The following DDX31 variants were observed in gnomAD, a reference collection of about 807,000 sequenced individuals.
DDX31 encodes the protein DEAD-box helicase 31.
DDX31 carries 70 observed loss-of-function variants against 91.3 expected under a neutral mutation model. That is an observed-to-expected ratio of 0.77 (90% confidence interval 0.63 to 0.94). The LOEUF (loss-of-function observed/expected upper bound fraction) is 0.94. Among genes scored for constraint, DDX31 ranks in the 40% least tolerant of loss-of-function variants. The pLI is 0.00. For synonymous variants in DDX31, 362 were observed against 350.6 expected (o/e 1.03, Z -0.36); for missense variants, 902 against 925.0 (o/e 0.98, Z 0.32).
At chr9:132,604,917 C>T (rs1830927282) in intron 19 of DDX31, among the ~76,000 whole-genome samples, 1 of 152,166 alleles carries the variant, frequency 6.6e-6, no homozygotes. Flanking sequence ...GATCCCAGGC[C>T]TCCTTCACCA....
At chr9:132,648,752 A>T (rs1833996368) in intron 9 of DDX31, among the ~76,000 whole-genome samples, 1 of 152,210 alleles carries the variant, frequency 6.6e-6, no homozygotes, top group Admixed American at 6.5e-5. Context: ...AATTGTTAAG[A>T]TCTGAAATTA....
chr9:132,616,235 G>C (rs1045682857), intron 18 of DDX31, among the ~76,000 whole-genome samples: 1 of 152,098 alleles, frequency 6.6e-6, no homozygotes, highest in Non-Finnish European at 1.5e-5. Flanking sequence ...TTATCAATCT[G>C]GTGTGGAAAT....
chr9:132,620,080 G>A (rs781017897), intron 17 of DDX31, among the ~76,000 whole-genome samples: 3 of 152,064 alleles, frequency 2.0e-5, no homozygotes, highest in South Asian at 2.1e-4. Context: ...AGCCAGGACC[G>A]AATAAGCACA....
At chr9:132,652,189 T>A (rs1834235081) in intron 7 of DDX31, among the ~76,000 whole-genome samples, 2 of 152,328 alleles carry the variant, frequency 1.3e-5, no homozygotes, top group South Asian at 4.1e-4. Context: ...GCAACTTAAT[T>A]CAAAACCCAA....
At chr9:132,669,262 C>CG (rs772270956) in intron 1 of DDX31, among the ~76,000 whole-genome samples, 9 of 139,928 alleles carry the variant, frequency 6.4e-5, no homozygotes, top group African/African-American at 2.3e-4. Context: ...GCCCGCCCCC[C>CG]CCAAAGAACA....
chr9:132,620,296 G>A (rs891246746), intron 17 of DDX31, among the ~76,000 whole-genome samples: 1 of 152,004 alleles, frequency 6.6e-6, no homozygotes, highest in African/African-American at 2.4e-5. Context: ...AAGCTTAAGT[G>A]ACAGGTGACT....
intron 16 of DDX31, among the ~76,000 whole-genome samples, chr9:132,628,107 A>C (rs1832506593): frequency 6.6e-6 from 1 of 152,228 alleles, no homozygotes; most frequent in Non-Finnish European, 1.5e-5. Flanking sequence ...CCTCAAACAG[A>C]AATTGGGAAG....
At chr9:132,628,120 C>G (rs1467232260) in intron 16 of DDX31, among the ~76,000 whole-genome samples, 1 of 152,206 alleles carries the variant, frequency 6.6e-6, no homozygotes, top group Non-Finnish European at 1.5e-5. Flanking sequence ...TTGGGAAGAA[C>G]AATGCATGAC....
In DDX31 at chr9:132,646,950, C is replaced by T. The variant is rs1357653492; in HGVS notation, c.1076G>A (p.Cys359Tyr). Residue 359 changes from cysteine (C) to tyrosine (Y), a missense_variant, in exon 12 of 20, where the codon TGT becomes TAT. Coordinates refer to ENST00000372159, the MANE Select transcript of DDX31 (RefSeq NM_022779.9). ...NPKDKAVQEV[C>Y]PPPAGDKLDS... ...CAGCTTGTCGCCAGCTGGTGGAGGA[C>T]AGACCTCCTGGACCGCTTTGTCCTT... is the stretch of plus-strand genomic sequence containing the variant. 3.7e-6 allele frequency: 6 copies of T among 1,614,222 alleles called. No homozygotes were observed. The South Asian group carries it at 5.5e-5, about 15-fold the overall frequency.
At chr9:132,606,051 G>C (rs13298277) in intron 19 of DDX31, among the ~76,000 whole-genome samples, 1 of 152,012 alleles carries the variant, frequency 6.6e-6, no homozygotes, top group African/African-American at 2.4e-5. Flanking sequence ...TAAGGAGGCC[G>C]GAGGGATCAA....
chr9:132,637,076 T>C (rs969915382), intron 14 of DDX31, among the ~76,000 whole-genome samples: 3 of 152,216 alleles, frequency 2.0e-5, no homozygotes, highest in Non-Finnish European at 4.4e-5. Context: ...ACTGGTATCA[T>C]GGCAATTAGG....
At chr9:132,609,416 T>C (rs1476478794) in intron 19 of DDX31, among the ~76,000 whole-genome samples, 1 of 152,136 alleles carries the variant, frequency 6.6e-6, no homozygotes, top group African/African-American at 2.4e-5. Context: ...TAGCGGCTTC[T>C]CAAGGTAAGG....
chr9:132,648,318 A>C, intron 10 of DDX31, 23 bp from the exon 11 acceptor site: 1 of 1,602,384 alleles, frequency 6.2e-7, no homozygotes. Flanking sequence ...AAAAAAAAAG[A>C]AATTTTCAAC....
intron 18 of DDX31, among the ~76,000 whole-genome samples, chr9:132,615,921 A>T (rs746223087): frequency 6.6e-6 from 1 of 152,260 alleles, no homozygotes; most frequent in African/African-American, 2.4e-5. Flanking sequence ...TCTGCCATCA[A>T]GGCAAAAGCC....
At chr9:132,667,104 C>T (rs1374487899) in intron 1 of DDX31, among the ~76,000 whole-genome samples, 1 of 152,034 alleles carries the variant, frequency 6.6e-6, no homozygotes, top group South Asian at 2.1e-4. Flanking sequence ...CTGCCTCGGC[C>T]TCCCAAAGTG....
chr9:132,668,900 G>A (rs1835506584), intron 1 of DDX31, among the ~76,000 whole-genome samples: 1 of 152,220 alleles, frequency 6.6e-6, no homozygotes, highest in African/African-American at 2.4e-5. Flanking sequence ...AGAGAGGCAT[G>A]AGACATCAAA....
At chr9:132,640,727 T>C (rs1833450579) in intron 14 of DDX31, among the ~76,000 whole-genome samples, 1 of 152,108 alleles carries the variant, frequency 6.6e-6, no homozygotes, top group Non-Finnish European at 1.5e-5. Flanking sequence ...AGGCTGGTCG[T>C]GAACTCCTGG....
intron 14 of DDX31, among the ~76,000 whole-genome samples, chr9:132,634,638 GC>G (rs1832997317): frequency 7.2e-6 from 1 of 138,940 alleles, no homozygotes; most frequent in South Asian, 2.3e-4. Flanking sequence ...TGCTGCCCAG[GC>G]TGGAGTGCAG....
rs1334326545 is a variant in DDX31, at chr9:132,669,892, A to G, written c.43T>C (p.Phe15Leu). ...DGSLFDNPRTFSRRPPAQASR... is the reference protein window; with the variant it reads ...DGSLFDNPRTLSRRPPAQASR... ...GCCTGGGCTGGGGGACGTCTGGAGA[A>G]CGTCCTGGGGTTGTCGAAGAGCGAA... Residue 15 changes from phenylalanine (F) to leucine (L), a missense_variant, in exon 1 of 20, where the codon TTC becomes CTC. Transcript: ENST00000372159. The G allele has an allele frequency of 6.3e-7, 1 of 1,596,472 alleles. No individual in the cohort carries two copies. Among genetic ancestry groups the G allele is most frequent in the Non-Finnish European group, 8.5e-7 (1 of 1,172,498 alleles).
Sources: gnomAD v4.1 joint callset for allele counts (sites outside exome capture counted in the v4.1 genomes callset) on GRCh38, gnomAD v4.1.1 for gene constraint, MANE v1.5 for transcripts, NCBI Gene and HGNC (gene_info 2026-07-23, HGNC 2026-07-21) for gene names.